The following CRIP1 variants were observed in gnomAD, a reference collection of about 807,000 sequenced individuals.
CRIP1 encodes cysteine-rich protein 1.
A neutral mutation model predicts 12.9 loss-of-function variants in CRIP1; 11 were observed. That is an observed-to-expected ratio of 0.86 (90% CI 0.54 to 1.42). CRIP1 has a LOEUF of 1.42. CRIP1 is among the 40% of genes most tolerant of loss of function. CRIP1 has a pLI of 0.00. For synonymous variants in CRIP1, 41 were observed against 37.2 expected (o/e 1.10, Z -0.37); for missense variants, 122 against 101.3 (o/e 1.20, Z -0.88).
intron 4 of CRIP1, 27 bp downstream of exon 4, chr14:105,488,415 C>G (rs782110616): frequency 6.2e-7 from 1 of 1,604,358 alleles, no homozygotes; most frequent in East Asian, 2.2e-5. Context: ...CCCACCCCAC[C>G]CCACCCCACA....
rs2084125938 is a variant in CRIP1 at position 105,486,910 on chromosome 14, G to A, written c.-124G>A. 9.0e-7 allele frequency: 1 copy of A among 1,108,138 alleles called. No homozygotes were observed. 68.6% of individuals were successfully genotyped at this position (1,108,138 alleles called of 1,614,324 possible). A position where few individuals can be genotyped will look rare whatever the true frequency, so the allele number is the denominator to read the frequency against. On this transcript the variant is annotated 5_prime_UTR_variant, in exon 1 of 6. Transcript: ENST00000392531. ...CCTTTTGCCTCGGAACTGGACCCGG[G>A]AGACATCACAGCGCTGGGCTAGGGG...
rs782067813 is a variant in CRIP1, at chr14:105,487,320, C to G, written c.40+21C>G. On this transcript the variant is annotated intron_variant, in intron 2 of 5. Transcript: ENST00000392531. ...CTTCGGTGAGCGCGCCCACACCGGC[C>G]CCGCGAGGAGGCGCCGCCGACGGGG... is the stretch of plus-strand genomic sequence containing the variant. 4.6e-6 allele frequency: 7 copies of G among 1,534,756 alleles called. No individual in the cohort carries two copies. In the African/African-American group the frequency reaches 9.8e-5, roughly 22 times the overall value.
Position 105,488,333 on chromosome 14 carries a change from C to T in CRIP1, c.138C>T (p.His46=), listed in dbSNP as rs781925655. 2.1e-5 allele frequency: 34 copies of T among 1,613,400 alleles called. No individual in the cohort carries two copies. Among genetic ancestry groups the T allele is most frequent in the Admixed American group, 1.3e-4 (8 of 60,008 alleles). Residue 46 remains histidine, a splice_region_variant and synonymous_variant, in exon 4 of 6, where the codon CAC becomes CAT. Transcript: ENST00000392531. ...CCTCACGGCCCTTCTCTTTGCAGCACGAAGGCAAACCCTACTGCAACCACC... is the reference window on the plus strand; with the variant it reads ...CCTCACGGCCCTTCTCTTTGCAGCATGAAGGCAAACCCTACTGCAACCACC... ...KTLTSGGHAE[H]EGKPYCNHPC...
chr14:105,488,907 GGCC>G lies in CRIP1; in HGVS notation c.*252_*254del, dbSNP rs1254532666. On this transcript the variant is annotated 3_prime_UTR_variant, in exon 6 of 6. Transcript: ENST00000392531. ...CTGCTGCCCATTGCCCTCCCCAGGG[GGCC>G]GTTCCAGGGTCTCATAGGCGAGGGC... 4.1e-6 allele frequency: 1 copy of G among 245,868 alleles called. No individual in the cohort carries two copies. The highest frequency in any genetic ancestry group is 2.2e-5 in the African/African-American group (1 of 44,920). 15.2% of individuals were successfully genotyped at this position (245,868 alleles called of 1,614,324 possible). A position where few individuals can be genotyped will look rare whatever the true frequency, so the allele number is the denominator to read the frequency against.
intron 2 of CRIP1, 34 bp downstream of exon 2, chr14:105,487,333 G>C: frequency 6.6e-7 from 1 of 1,523,108 alleles, no homozygotes; most frequent in Non-Finnish European, 8.8e-7. Context: ...GCGAGGAGGC[G>C]CCGCCGACGG....
At chr14:105,487,477 C>T (rs1555438285) in intron 2 of CRIP1, 178 bp downstream of exon 2, 1 of 570,252 alleles carries the variant, frequency 1.8e-6, no homozygotes, top group East Asian at 3.3e-5. Context: ...GTCCGAGGGC[C>T]CTGGCGATCT....
Position 105,488,181 on chromosome 14 carries a change from C to G in CRIP1, c.56C>G (p.Ser19Cys). The G allele has an allele frequency of 3.7e-6, 6 of 1,612,882 alleles. No individual in the cohort carries two copies. The highest frequency in any genetic ancestry group is 5.1e-6 in the Non-Finnish European group (6 of 1,179,998). Reference protein sequence around the residue: ...KEVYFAERVTSLGKDWHRPCL... With the variant: ...KEVYFAERVTCLGKDWHRPCL... ...GCCTCTGCAGCCGAGAGGGTGACCT[C>G]TCTGGGCAAGGACTGGCATCGGCCC... The change falls in exon 3 of 6, where the codon TCT (serine) becomes TGT (cysteine). Residue 19 changes from serine to cysteine, a missense_variant. Transcript: ENST00000392531.
Position 105,488,337 on chromosome 14 carries a change from G to A in CRIP1, c.142G>A (p.Gly48Ser), listed in dbSNP as rs1555438496. 5 of 1,613,408 alleles carry A rather than the reference G, an allele frequency of 3.1e-6. No homozygotes were observed. The highest frequency in any genetic ancestry group is 4.2e-6 in the Non-Finnish European group (5 of 1,180,014). ...LTSGGHAEHE[G>S]KPYCNHPCYA... ...ACGGCCCTTCTCTTTGCAGCACGAA[G>A]GCAAACCCTACTGCAACCACCCCTG... The change falls in exon 4 of 6, where the codon GGC (glycine) becomes AGC (serine). Residue 48 changes from glycine (G) to serine (S), a missense_variant. Physicochemically the swap from Gly to Ser is moderately conservative, Grantham distance 56. Coordinates refer to ENST00000392531, the MANE Select transcript of CRIP1 (RefSeq NM_001311.5).
intron 2 of CRIP1, 170 bp downstream of exon 2, chr14:105,487,469 C>T: frequency 1.7e-6 from 1 of 582,532 alleles, no homozygotes; most frequent in Non-Finnish European, 3.0e-6. Context: ...GCCCCTGCGT[C>T]CGAGGGCCCT....
At position 105,488,480 on chromosome 14, in the gene CRIP1, G is replaced by C. The variant is rs141808882; in HGVS notation, c.203G>C (p.Arg68Pro). ...TCCACCTTCTCTGCAGGCTTTGGGC[G>C]GGGCGGAGCCGAGAGCCACACTTTC... ...AAMFGPKGFG[R>P]GGAESHTFK Residue 68 changes from arginine (R) to proline (P), a missense_variant, in exon 5 of 6, where the codon CGG (arginine) becomes CCG (proline). Arg to Pro is a moderately radical substitution (Grantham distance 103). Transcript: ENST00000392531. The C allele has an allele frequency of 1.2e-6, 2 of 1,606,546 alleles. No individual in the cohort carries two copies. The highest frequency in any genetic ancestry group is 2.2e-5 in the South Asian group (2 of 90,794).
chr14:105,487,909 G>C (rs2084137015), intron 2 of CRIP1: 1 of 527,300 alleles, frequency 1.9e-6, no homozygotes, highest in Non-Finnish European at 3.4e-6. Context: ...GCCTTCAGGA[G>C]CAAGATTCCC....
Position 105,487,318 on chromosome 14 carries a change from G to C in CRIP1, c.40+19G>C, listed in dbSNP as rs1356722324. The C allele has an allele frequency of 6.5e-7, 1 of 1,535,226 alleles. No homozygotes were observed. Among genetic ancestry groups the C allele is most frequent in the Non-Finnish European group, 8.8e-7 (1 of 1,139,640 alleles). ...TACTTCGGTGAGCGCGCCCACACCG[G>C]CCCCGCGAGGAGGCGCCGCCGACGG... On this transcript the variant is annotated intron_variant, in intron 2 of 5. Transcript: ENST00000392531.
chr14:105,487,441 C>G, intron 2 of CRIP1, 142 bp downstream of exon 2: 2 of 675,668 alleles, frequency 3.0e-6, no homozygotes, highest in South Asian at 4.2e-5. Context: ...CGCCGCCTGC[C>G]CCGGGATGAG....
At chr14:105,487,919 C>G (rs2084137308) in intron 2 of CRIP1, 1 of 538,074 alleles carries the variant, frequency 1.9e-6, no homozygotes, top group Non-Finnish European at 3.4e-6. Flanking sequence ...GCAAGATTCC[C>G]GGCCGCACCC....
At chr14:105,487,113 C>T (rs1293800116) in intron 1 of CRIP1, 86 bp from the exon 2 acceptor site, 3 of 1,406,116 alleles carry the variant, frequency 2.1e-6, no homozygotes, top group Non-Finnish European at 2.8e-6. Flanking sequence ...GTCCTGGGTT[C>T]AGAGGGCGGG....
chr14:105,488,678 T>C lies in CRIP1; in HGVS notation c.*21T>C. 2.6e-6 allele frequency: 2 copies of C among 761,282 alleles called. No individual in the cohort carries two copies. Among genetic ancestry groups the C allele is most frequent in the South Asian group, 3.6e-5 (2 of 55,318 alleles). The allele number at this position is 761,282 out of a possible 1,614,324, so 47.2% of individuals were successfully genotyped here. A position where few individuals can be genotyped will look rare whatever the true frequency, so the allele number is the denominator to read the frequency against. ...CTCTGCACAGGTGGTGGAGACCCCA[T>C]CCTTGGCTGCTTGCAGGGCCACTGT... On this transcript the variant is annotated 3_prime_UTR_variant, in exon 6 of 6. Coordinates refer to ENST00000392531, the MANE Select transcript of CRIP1 (RefSeq NM_001311.5).
Position 105,487,203 on chromosome 14 carries a change from G to C in CRIP1, c.-57G>C. The C allele has an allele frequency of 6.5e-7, 1 of 1,536,102 alleles. No homozygotes were observed. Among genetic ancestry groups the C allele is most frequent in the Non-Finnish European group, 8.8e-7 (1 of 1,141,400 alleles). On this transcript the variant is annotated 5_prime_UTR_variant, in exon 2 of 6. Coordinates refer to ENST00000392531, the MANE Select transcript of CRIP1 (RefSeq NM_001311.5). ...GACCAGGCCGGATCCACCCAGTCTC[G>C]CGCCTGCAGCCCGTGCCGCCCCAGC... is the stretch of plus-strand genomic sequence containing the variant.
Position 105,487,303 on chromosome 14 carries a change from A to G in CRIP1, c.40+4A>G. 4.5e-6 allele frequency: 7 copies of G among 1,542,534 alleles called. No individual in the cohort carries two copies. The highest frequency in any genetic ancestry group is 6.1e-6 in the Non-Finnish European group (7 of 1,143,952). On this transcript the variant is annotated splice_donor_region_variant and intron_variant, in intron 2 of 5. Coordinates refer to ENST00000392531, the MANE Select transcript of CRIP1 (RefSeq NM_001311.5). ...TGCAACAAGGAGGTGTACTTCGGTG[A>G]GCGCGCCCACACCGGCCCCGCGAGG...
At position 105,486,981 on chromosome 14, in the gene CRIP1, C is replaced by G; in HGVS notation, c.-62+9C>G. On this transcript the variant is annotated intron_variant, in intron 1 of 5. Coordinates refer to ENST00000392531, the MANE Select transcript of CRIP1 (RefSeq NM_001311.5). ...AGAGCTGCGCCCTCTCAGTAAGTCC[C>G]CATGGCCCCCTGCCCCCCCGCGCTC... The G allele has an allele frequency of 8.8e-7, 1 of 1,142,608 alleles. No individual in the cohort carries two copies. The highest frequency in any genetic ancestry group is 1.1e-6 in the Non-Finnish European group (1 of 946,686). The allele number at this position is 1,142,608 out of a possible 1,614,324, so 70.8% of individuals were successfully genotyped here.
Sources: allele counts gnomAD v4.1 joint callset, GRCh38; gene constraint gnomAD v4.1.1; transcripts MANE v1.5; gene names NCBI Gene and HGNC (gene_info 2026-07-23, HGNC 2026-07-21).